MSRA: variants seen among roughly 807,000 people sequenced by gnomAD.
MSRA encodes mitochondrial peptide methionine sulfoxide reductase.
In MSRA, 54 loss-of-function variants were observed where a neutral mutation model predicts 31.3. That is an observed-to-expected ratio of 1.73 (90% CI 1.39 to 2.17). The LOEUF (loss-of-function observed/expected upper bound fraction) is 2.17. Among genes scored for constraint, MSRA ranks in the 30% most tolerant of loss-of-function variants. The pLI is 0.00. For missense variants in MSRA, 507 were observed against 300.9 expected, an observed-to-expected ratio of 1.69 and a Z score of -5.07; for synonymous variants, 169 against 116.5, an observed-to-expected ratio of 1.45 and a Z score of -2.90.
chr8:10,123,088 G>C (rs1801244211), intron 1 of MSRA, among the ~76,000 whole-genome samples: 1 of 152,212 alleles, frequency 6.6e-6, no homozygotes, highest in Non-Finnish European at 1.5e-5. Flanking sequence ...TCTGTTTTTA[G>C]CTCTTCGAGG....
intron 5 of MSRA, among the ~76,000 whole-genome samples, chr8:10,326,967 G>C (rs139215567): frequency 6.6e-6 from 1 of 152,230 alleles, no homozygotes; most frequent in East Asian, 1.9e-4. Flanking sequence ...TATGTTTCTT[G>C]AAATGTGAAA....
chr8:10,194,575 A>T lies in MSRA; in HGVS notation c.143-13258A>T, dbSNP rs182147146. Among the ~76,000 whole-genome samples the T allele has an allele frequency of 1.7e-3, 264 of 152,332 alleles. 1 individual carries two copies. Among genetic ancestry groups the T allele is most frequent in the African/African-American group, 6.1e-3 (254 of 41,574 alleles). ...CACAGAGTGAGGAAAAAAACCAAAA[A>T]ACAATTAACATATTACTCTGGGGAC... is the stretch of plus-strand genomic sequence containing the variant. On this transcript the variant is annotated intron_variant, in intron 1 of 5. Transcript: ENST00000317173.
chr8:10,305,705 C>T lies in MSRA; in HGVS notation c.436+4067C>T, dbSNP rs186823829. Among the ~76,000 whole-genome samples, 66 of 152,334 alleles carry T rather than the reference C, an allele frequency of 4.3e-4. No homozygotes were observed. The East Asian group carries it at 0.013, about 29-fold the overall frequency. On this transcript the variant is annotated intron_variant, in intron 4 of 5. Transcript: ENST00000317173. ...GGGATTACAGGCCACAAGGCATGAACCACTGTGCCTAGCCTTCTGCCATTT... is the reference window on the plus strand; with the variant it reads ...GGGATTACAGGCCACAAGGCATGAATCACTGTGCCTAGCCTTCTGCCATTT...
intron 1 of MSRA, among the ~76,000 whole-genome samples, chr8:10,147,454 C>T (rs975845416): frequency 2.6e-5 from 4 of 152,188 alleles, no homozygotes; most frequent in Non-Finnish European, 5.9e-5. Flanking sequence ...TAGTGGCTGA[C>T]TTCTCCCAAG....
chr8:10,398,361 A>G (rs1031536621), intron 5 of MSRA, among the ~76,000 whole-genome samples: 6 of 152,222 alleles, frequency 3.9e-5, no homozygotes, highest in Admixed American at 6.5e-5. Context: ...GCTTTAGAGC[A>G]GGTCAGGGTG....
chr8:10,339,454 A>G (rs1222975560), intron 5 of MSRA, among the ~76,000 whole-genome samples: 8 of 150,634 alleles, frequency 5.3e-5, no homozygotes, highest in Admixed American at 5.3e-4. Context: ...CAATGAATTC[A>G]GTGTCTGTCC....
intron 5 of MSRA, among the ~76,000 whole-genome samples, chr8:10,386,898 T>TC (rs1327238282): frequency 7.0e-6 from 1 of 143,630 alleles, no homozygotes; most frequent in African/African-American, 2.5e-5. Flanking sequence ...AAAAACAGTC[T>TC]CCAAGAGTCT....
chr8:10,250,357 C>A, intron 3 of MSRA: 1 of 696,674 alleles, frequency 1.4e-6, no homozygotes, highest in South Asian at 1.5e-5. Context: ...ACAAATACCC[C>A]ATTTCTGGCA....
chr8:10,392,767 C>T (rs978797470), intron 5 of MSRA, among the ~76,000 whole-genome samples: 4 of 151,088 alleles, frequency 2.6e-5, no homozygotes, highest in Non-Finnish European at 5.9e-5. Context: ...AAATGTTCAG[C>T]CAGGCGTGGT....
At chr8:10,204,411 A>G (rs907335039) in intron 1 of MSRA, among the ~76,000 whole-genome samples, 1 of 152,210 alleles carries the variant, frequency 6.6e-6, no homozygotes, top group Non-Finnish European at 1.5e-5. Flanking sequence ...TACCCTAGAC[A>G]GGTGTACCTT....
chr8:10,114,301 C>T (rs184865405), intron 1 of MSRA, among the ~76,000 whole-genome samples: 84 of 152,176 alleles, frequency 5.5e-4, no homozygotes, highest in African/African-American at 1.8e-3. Context: ...TGAACATTGG[C>T]GGACAAGTTC....
chr8:10,089,141 C>G (rs1268458242), intron 1 of MSRA, among the ~76,000 whole-genome samples: 2 of 29,750 alleles, frequency 6.7e-5, no homozygotes, highest in East Asian at 6.7e-4. Context: ...TTTTGTCCCA[C>G]ACACACACAC....
intron 5 of MSRA, among the ~76,000 whole-genome samples, chr8:10,416,312 C>G (rs1308984119): frequency 6.6e-6 from 1 of 152,250 alleles, no homozygotes; most frequent in Non-Finnish European, 1.5e-5. Context: ...AACTTCTTCA[C>G]AGAGAAATCT....
At chr8:10,136,850 A>G (rs1298056127) in intron 1 of MSRA, among the ~76,000 whole-genome samples, 1 of 152,130 alleles carries the variant, frequency 6.6e-6, no homozygotes, top group Non-Finnish European at 1.5e-5. Flanking sequence ...TCTTTGTAAA[A>G]TTAGAACTTG....
At chr8:10,134,491 G>T (rs1563135219) in intron 1 of MSRA, among the ~76,000 whole-genome samples, 1 of 152,204 alleles carries the variant, frequency 6.6e-6, no homozygotes, top group Non-Finnish European at 1.5e-5. Context: ...TGACCGTGGG[G>T]CACATCCATG....
chr8:10,324,325 C>T (rs1344852598), intron 5 of MSRA, among the ~76,000 whole-genome samples: 3 of 152,064 alleles, frequency 2.0e-5, no homozygotes, highest in African/African-American at 2.4e-5. Context: ...TGAGCTTGTG[C>T]GTGTGTTTGC....
At chr8:10,102,427 C>G (rs967701733) in intron 1 of MSRA, among the ~76,000 whole-genome samples, 1 of 152,110 alleles carries the variant, frequency 6.6e-6, no homozygotes, top group African/African-American at 2.4e-5. Flanking sequence ...GTTTAGCTCA[C>G]TGGGTGAGTT....
intron 4 of MSRA, among the ~76,000 whole-genome samples, chr8:10,306,842 G>C (rs531810664): frequency 1.2e-3 from 189 of 152,302 alleles, no homozygotes; most frequent in African/African-American, 4.3e-3. Flanking sequence ...CACTAAATCT[G>C]ATTTCTCAGT....
rs1389131425 is a variant in MSRA at position 10,054,420 on chromosome 8, C to T, written c.-97C>T. ...GCCCGCCCGCGCCCCTGCCGCCCCC[C>T]GGTTCCGGCCGCGGACCCCACTCTC... On this transcript the variant is annotated 5_prime_UTR_variant, in exon 1 of 6. Coordinates refer to ENST00000317173, the MANE Select transcript of MSRA (RefSeq NM_012331.5). 1.1e-5 allele frequency: 13 copies of T among 1,192,424 alleles called. No homozygotes were observed. The highest frequency in any genetic ancestry group is 1.3e-5 in the Non-Finnish European group (12 of 928,458). 73.9% of individuals were successfully genotyped at this position (1,192,424 alleles called of 1,614,324 possible).
Sources: gnomAD v4.1 joint callset for allele counts (sites outside exome capture counted in the v4.1 genomes callset) on GRCh38, gnomAD v4.1.1 for gene constraint, MANE v1.5 for transcripts, NCBI Gene and HGNC (gene_info 2026-07-23, HGNC 2026-07-21) for gene names.